RAB3C: variants seen among roughly 807,000 people sequenced by gnomAD.
RAB3C encodes RAB3C, member RAS oncogene family.
RAB3C carries 17 observed loss-of-function variants against 26.4 expected under a neutral mutation model. That is an observed-to-expected ratio of 0.64 (90% CI 0.44 to 0.97). RAB3C has a LOEUF of 0.97. Among genes scored for constraint, RAB3C ranks in the 50% least tolerant of loss-of-function variants. The pLI, the probability that RAB3C is intolerant of heterozygous loss-of-function variation, is 0.00. For synonymous variants in RAB3C, 91 were observed against 95.9 expected, an observed-to-expected ratio of 0.95 and a Z score of 0.30; for missense variants, 242 against 281.9, an observed-to-expected ratio of 0.86 and a Z score of 1.01.
chr5:58,624,324 A>G (rs879678345), intron 2 of RAB3C, among the ~76,000 whole-genome samples: 1 of 152,102 alleles, frequency 6.6e-6, no homozygotes, highest in Non-Finnish European at 1.5e-5. Flanking sequence ...TGTAACAACA[A>G]TGGGAAGGGG....
At chr5:58,845,612 ATGTG>A (rs1289870360) in intron 4 of RAB3C, among the ~76,000 whole-genome samples, 1 of 81,726 alleles carries the variant, frequency 1.2e-5, no homozygotes, top group African/African-American at 5.8e-5. Flanking sequence ...ATATATATAT[ATGTG>A]TGTGTGTGTG....
At chr5:58,822,993 C>A (rs2112055490) in intron 3 of RAB3C, 1 of 615,778 alleles carries the variant, frequency 1.6e-6, no homozygotes. Context: ...GTTTTTGGGG[C>A]CTTGAAGGGA....
intron 2 of RAB3C, among the ~76,000 whole-genome samples, chr5:58,649,286 T>C (rs756550601): frequency 1.3e-5 from 2 of 152,136 alleles, no homozygotes; most frequent in Non-Finnish European, 2.9e-5. Context: ...TTCTGATTAG[T>C]TGATGCCTAT....
intron 2 of RAB3C, among the ~76,000 whole-genome samples, chr5:58,694,287 T>A (rs963890746): frequency 6.6e-6 from 1 of 152,230 alleles, no homozygotes; most frequent in South Asian, 2.1e-4. Context: ...GGCTGCATAG[T>A]ATTCCATGGT....
At chr5:58,680,288 AAGGCC>A (rs1341692617) in intron 2 of RAB3C, among the ~76,000 whole-genome samples, 2 of 152,218 alleles carry the variant, frequency 1.3e-5, no homozygotes, top group Non-Finnish European at 2.9e-5. Context: ...TTAGCTTTGC[AAGGCC>A]ATTAGTGAAG....
At chr5:58,822,424 C>A (rs935823346) in intron 3 of RAB3C, 1 of 153,452 alleles carries the variant, frequency 6.5e-6, no homozygotes, top group Non-Finnish European at 1.5e-5. Flanking sequence ...TAGAAAAATA[C>A]CTGCGCTTTT....
At chr5:58,651,545 T>C (rs1365744430) in intron 2 of RAB3C, among the ~76,000 whole-genome samples, 1 of 152,222 alleles carries the variant, frequency 6.6e-6, no homozygotes, top group African/African-American at 2.4e-5. Flanking sequence ...ATTAGTACAG[T>C]AGTAATATAT....
chr5:58,691,103 A>G (rs1038408100), intron 2 of RAB3C, among the ~76,000 whole-genome samples: 5 of 152,150 alleles, frequency 3.3e-5, no homozygotes, highest in Non-Finnish European at 7.4e-5. Flanking sequence ...CCAGTAAAAA[A>G]AAAAAATGGA....
chr5:58,816,618 A>T (rs1352108160), intron 3 of RAB3C, among the ~76,000 whole-genome samples: 3 of 152,146 alleles, frequency 2.0e-5, no homozygotes, highest in African/African-American at 7.2e-5. Flanking sequence ...ATACTTAATT[A>T]TGTATTTGTA....
rs1014439160 is a variant in RAB3C, at chr5:58,673,327, A to C, written c.253-52675A>C. ...GTATTAAAAAGTCCAACCTGATCCA[A>C]AACAAAATTTTCATCAGAGACCCAA... On this transcript the variant is annotated intron_variant, in intron 2 of 4. Coordinates refer to ENST00000282878, the MANE Select transcript of RAB3C (RefSeq NM_138453.4). Among the ~76,000 whole-genome samples the C allele has an allele frequency of 3.9e-5, 6 of 152,120 alleles. No individual in the cohort carries two copies. The East Asian group carries it at 5.8e-4, about 15-fold the overall frequency.
Position 58,812,684 on chromosome 5 carries a change from C to T in RAB3C, c.372-12354C>T, listed in dbSNP as rs565883361. 1.6e-4 allele frequency among the ~76,000 whole-genome samples: 24 copies of T among 152,176 alleles called. 3 individuals carry two copies. The highest frequency in any genetic ancestry group is 5.1e-4 in the African/African-American group (21 of 41,500). On this transcript the variant is annotated intron_variant, in intron 3 of 4. Coordinates refer to ENST00000282878, the MANE Select transcript of RAB3C (RefSeq NM_138453.4). Reference sequence around the variant, plus strand: ...CTTTTGTTTTTGTTTTCCACTTTAACCTTTTCTAATTAAAAGTTTCAAAAC... The same window carrying T: ...CTTTTGTTTTTGTTTTCCACTTTAATCTTTTCTAATTAAAAGTTTCAAAAC...
chr5:58,802,262 T>C (rs77105574), intron 3 of RAB3C, among the ~76,000 whole-genome samples: 8,150 of 152,300 alleles, frequency 0.054, 312 homozygotes, highest in South Asian at 0.15. Context: ...ATATTATTTA[T>C]AATGGAACTG....
intron 2 of RAB3C, among the ~76,000 whole-genome samples, chr5:58,658,395 G>A (rs2409576): frequency 0.46 from 69,599 of 151,940 alleles, 17,261 homozygotes; most frequent in African/African-American, 0.66. Flanking sequence ...TTCTAGATAT[G>A]CAATCATGTC....
chr5:58,829,198 C>T (rs112605517), intron 4 of RAB3C, among the ~76,000 whole-genome samples: 127 of 152,098 alleles, frequency 8.3e-4, no homozygotes, highest in African/African-American at 3.0e-3. Context: ...CCATGGCACC[C>T]GGCCTCCATG....
At chr5:58,625,931 G>C (rs1259027743) in intron 2 of RAB3C, among the ~76,000 whole-genome samples, 1 of 151,810 alleles carries the variant, frequency 6.6e-6, no homozygotes, top group Non-Finnish European at 1.5e-5. Flanking sequence ...GAAATTTCAG[G>C]TAAGTAAAGC....
intron 3 of RAB3C, among the ~76,000 whole-genome samples, chr5:58,783,565 A>G (rs913660680): frequency 9.9e-5 from 15 of 152,152 alleles, no homozygotes; most frequent in Non-Finnish European, 1.8e-4. Context: ...TTGTATTTTA[A>G]GTAGTTGTCT....
intron 3 of RAB3C, among the ~76,000 whole-genome samples, chr5:58,747,804 G>A (rs923257668): frequency 6.6e-6 from 1 of 151,498 alleles, no homozygotes; most frequent in African/African-American, 2.4e-5. Flanking sequence ...ATAACAGCAA[G>A]GATTACAATT....
Position 58,726,062 on chromosome 5 carries a change from G to A in RAB3C, c.313G>A (p.Gly105Ser). The A allele has an allele frequency of 6.2e-7, 1 of 1,607,700 alleles. No individual in the cohort carries two copies. Among genetic ancestry groups the A allele is most frequent in the Non-Finnish European group, 8.5e-7 (1 of 1,176,396 alleles). The change falls in exon 3 of 5, where the codon GGC (glycine) becomes AGC (serine). Residue 105 changes from glycine to serine, a missense_variant. Transcript: ENST00000282878. ...CACAGCCTATTATCGTGGAGCCATG[G>A]GCTTTATTTTAATGTATGACATTAC... ...ITTAYYRGAMGFILMYDITNE... is the reference protein window; with the variant it reads ...ITTAYYRGAMSFILMYDITNE...
At chr5:58,811,206 A>G (rs181754237) in intron 3 of RAB3C, among the ~76,000 whole-genome samples, 12 of 152,328 alleles carry the variant, frequency 7.9e-5, no homozygotes, top group African/African-American at 2.9e-4. Context: ...TACTCTCTAC[A>G]ACCAAGGGCA....
Sources: gnomAD v4.1 joint callset for allele counts (sites outside exome capture counted in the v4.1 genomes callset) on GRCh38, gnomAD v4.1.1 for gene constraint, MANE v1.5 for transcripts, NCBI Gene and HGNC (gene_info 2026-07-23, HGNC 2026-07-21) for gene names.